Variants in PRPF8 observed in about 807,000 individuals in gnomAD.
The protein encoded by PRPF8 is pre-mRNA processing factor 8, also known as pre-mRNA-processing-splicing factor 8.
In PRPF8, 64 loss-of-function variants were observed where a neutral mutation model predicts 285.9. That is an observed-to-expected ratio of 0.22 (90% CI 0.18 to 0.28). The LOEUF is 0.28. PRPF8 is among the 10% of genes least tolerant of loss of function. The probability of loss-of-function intolerance (pLI) is 1.00; values close to 1 mark genes in which losing one functional copy is unlikely to be tolerated. For synonymous variants in PRPF8, 1,325 were observed against 1,118.2 expected (o/e 1.18, Z -3.69); for missense variants, 1,426 against 3,026.7 (o/e 0.47, Z 12.41).
In PRPF8 at chr17:1,675,879, C is replaced by T. The variant is rs1332469183; in HGVS notation, c.2679+49G>A. On this transcript the variant is annotated intron_variant, in intron 18 of 42. Transcript: ENST00000304992. The surrounding 1 kb of genome is among the most constrained non-coding windows in gnomAD (Gnocchi z 6.0). ...CTACCTTTGGTAGAACCAAAGGCAA[C>T]TGCTACCTTTGGTAGAACCAAAAAG... 1.2e-6 allele frequency: 2 copies of T among 1,608,694 alleles called. No individual in the cohort carries two copies. The highest frequency in any genetic ancestry group is 2.7e-5 in the African/African-American group (2 of 74,812).
chr17:1,674,650 T>C lies in PRPF8; in HGVS notation c.3091A>G (p.Ile1031Val). Residue 1031 changes from isoleucine to valine, a missense_variant, in exon 21 of 43, where the codon ATC (isoleucine) becomes GTC (valine). Ile to Val is a conservative substitution (Grantham distance 29, BLOSUM62 3). This residue lies in a region of PRPF8 where 32 missense variants were observed against 89.2 expected (regional missense o/e 0.36). Coordinates refer to ENST00000304992, the MANE Select transcript of PRPF8 (RefSeq NM_006445.4). Reference sequence around the variant, plus strand: ...AATGAGGCAAACTGCAGGCCTCTGATGATCCCATATGAATTCGTATGGTTC... The same window carrying C: ...AATGAGGCAAACTGCAGGCCTCTGACGATCCCATATGAATTCGTATGGTTC... ...DMNHTNSYGI[I>V]RGLQFASFIV... 1 of 1,614,042 alleles carries C rather than the reference T, an allele frequency of 6.2e-7. No individual in the cohort carries two copies.
chr17:1,672,661 T>C (rs1049689154), intron 24 of PRPF8, among the ~76,000 whole-genome samples: 1 of 152,136 alleles, frequency 6.6e-6, no homozygotes, highest in Non-Finnish European at 1.5e-5. Context: ...TCAATTCCGG[T>C]TGCCTTCGGC....
In PRPF8 at chr17:1,679,110, G is replaced by A. The variant is rs1912766783; in HGVS notation, c.1506C>T (p.Asn502=). The change falls in exon 11 of 43, where the codon AAC becomes AAT. Residue 502 remains asparagine (N), a synonymous_variant. Coordinates refer to ENST00000304992, the MANE Select transcript of PRPF8 (RefSeq NM_006445.4). This position sits in a 1 kb window ranked among gnomAD's most constrained non-coding sequence, Gnocchi z 4.7. ...VGLQVCRQGY[N]MLNLLIHRKN... is the part of the protein sequence containing the mutation. ...TGCGGTGAATGAGAAGGTTGAGCATGTTGTAGCCCTGGCGGCAAACCTGGA... is the reference window on the plus strand; with the variant it reads ...TGCGGTGAATGAGAAGGTTGAGCATATTGTAGCCCTGGCGGCAAACCTGGA... 1 of 1,614,218 alleles carries A rather than the reference G, an allele frequency of 6.2e-7. No individual in the cohort carries two copies. The highest frequency in any genetic ancestry group is 8.5e-7 in the Non-Finnish European group (1 of 1,180,042).
At chr17:1,674,265 G>A (rs983120062) in intron 21 of PRPF8, among the ~76,000 whole-genome samples, 177 bp downstream of exon 21, 2 of 152,148 alleles carry the variant, frequency 1.3e-5, no homozygotes, top group Admixed American at 6.5e-5. Flanking sequence ...CTCGTGATCC[G>A]CCTGCCTCGG....
chr17:1,676,290 T>C lies in PRPF8; in HGVS notation c.2469A>G (p.Ser823=), dbSNP rs1231150232. The C allele has an allele frequency of 6.2e-7, 1 of 1,614,072 alleles. No individual in the cohort carries two copies. The highest frequency in any genetic ancestry group is 8.5e-7 in the Non-Finnish European group (1 of 1,180,002). Residue 823 remains serine, a synonymous_variant, in exon 17 of 43, where the codon TCA becomes TCG. Coordinates refer to ENST00000304992, the MANE Select transcript of PRPF8 (RefSeq NM_006445.4). The surrounding 1 kb of genome is among the most constrained non-coding windows in gnomAD (Gnocchi z 6.3). ...TVHWLESRRF[S]PIPFPPLSYK... ...AGGAGAGTGGGGGGAATGGGATGGG[T>C]GAAAACCTGCGGCTTTCCAACCAAT...
Position 1,677,601 on chromosome 17 carries a change from G to A in PRPF8, c.1948C>T (p.Arg650Ter), listed in dbSNP as rs1279378587. 1 of 1,613,936 alleles carries A rather than the reference G, an allele frequency of 6.2e-7. No homozygotes were observed. The highest frequency in any genetic ancestry group is 8.5e-7 in the Non-Finnish European group (1 of 1,180,012). Residue 650 changes from arginine to a stop codon, truncating the protein, a stop_gained, in exon 14 of 43, where the codon CGA (arginine) becomes TGA (stop). Transcript: ENST00000304992. LOFTEE classifies it high-confidence loss of function. ...CGGGCCAGGAGGTTGCCAAGCCATC[G>A]CTCTAATAAAGGGGTAATGCCACGC... Reference protein sequence around the residue: ...FMRGITPLLERWLGNLLARQF... With the variant: ...FMRGITPLLE
Position 1,653,281 on chromosome 17 carries a change from T to C in PRPF8, c.6369+261A>G. 1 of 592,158 alleles carries C rather than the reference T, an allele frequency of 1.7e-6. No individual in the cohort carries two copies. Among genetic ancestry groups the C allele is most frequent in the Non-Finnish European group, 3.0e-6 (1 of 329,776 alleles). The allele number at this position is 592,158 out of a possible 1,614,324, so 36.7% of individuals were successfully genotyped here. On this transcript the variant is annotated intron_variant, in intron 39 of 42. Transcript: ENST00000304992. This position sits in a 1 kb window ranked among gnomAD's most constrained non-coding sequence, Gnocchi z 4.9. ...GGCATGAGCCAGCACGCACACCTGG[T>C]CAGGAATTTGTTTCTGACCATATCT...
In PRPF8 at chr17:1,661,969, T is replaced by G; in HGVS notation, c.3959A>C (p.Lys1320Thr). Residue 1320 changes from lysine (K) to threonine (T), a missense_variant, in exon 25 of 43, where the codon AAG (lysine) becomes ACG (threonine). By Grantham distance (78) the Lys-to-Thr change is moderately conservative. Coordinates refer to ENST00000304992, the MANE Select transcript of PRPF8 (RefSeq NM_006445.4). The surrounding 1 kb of genome is among the most constrained non-coding windows in gnomAD (Gnocchi z 7.3). Reference sequence around the variant, plus strand: ...GAGCATGCCGAGTCCACCCAACTCCTTAGGGGTGTAGAACACAACCGGGGG... The same window carrying G: ...GAGCATGCCGAGTCCACCCAACTCCGTAGGGGTGTAGAACACAACCGGGGG... ...RFPPVVFYTP[K>T]ELGGLGMLSM... is the part of the protein sequence containing the mutation. 1 of 1,614,122 alleles carries G rather than the reference T, an allele frequency of 6.2e-7. No homozygotes were observed. Among genetic ancestry groups the G allele is most frequent in the Non-Finnish European group, 8.5e-7 (1 of 1,180,034 alleles).
chr17:1,678,034 G>T (rs891064446), intron 13 of PRPF8, among the ~76,000 whole-genome samples: 4 of 152,138 alleles, frequency 2.6e-5, no homozygotes, highest in Non-Finnish European at 5.9e-5. Flanking sequence ...GTCCAGTGAG[G>T]CTGGGCACGG....
chr17:1,656,239 A>T (rs771965857), intron 36 of PRPF8, among the ~76,000 whole-genome samples, 153 bp downstream of exon 36: 28 of 152,106 alleles, frequency 1.8e-4, no homozygotes, highest in Non-Finnish European at 4.0e-4. Flanking sequence ...GTTGATTTTT[A>T]ACTTTAAGGT....
At chr17:1,656,831 C>G in intron 34 of PRPF8, 70 bp from the exon 35 acceptor site, 2 of 1,334,428 alleles carry the variant, frequency 1.5e-6, no homozygotes, top group East Asian at 2.4e-5. Context: ...ACAGAATATC[C>G]TAGTTTTGAA....
chr17:1,684,676 C>A, intron 1 of PRPF8, 94 bp from the exon 2 acceptor site: 5 of 1,174,878 alleles, frequency 4.3e-6, no homozygotes, highest in Non-Finnish European at 6.2e-6. Flanking sequence ...GGCCTGCAGT[C>A]CCGCCACACA....
chr17:1,670,778 C>T (rs904095769), intron 24 of PRPF8, among the ~76,000 whole-genome samples: 1 of 152,134 alleles, frequency 6.6e-6, no homozygotes, highest in Non-Finnish European at 1.5e-5. Context: ...TGAGCCCCCG[C>T]GCCTGGCCTG....
In PRPF8 at chr17:1,676,844, G is replaced by A; in HGVS notation, c.2181+132C>T. The A allele has an allele frequency of 6.8e-7, 1 of 1,462,476 alleles. No homozygotes were observed. Among genetic ancestry groups the A allele is most frequent in the Non-Finnish European group, 9.5e-7 (1 of 1,053,506 alleles). The allele number at this position is 1,462,476 out of a possible 1,614,324, so 90.6% of individuals were successfully genotyped here. Reference sequence around the variant, plus strand: ...GCTTGAGGCCAGCCTAAGCAACATGGTGCTTCTTTTCCCTGTCTAAAAGGG... The same window carrying A: ...GCTTGAGGCCAGCCTAAGCAACATGATGCTTCTTTTCCCTGTCTAAAAGGG... On this transcript the variant is annotated intron_variant, in intron 15 of 42. Transcript: ENST00000304992. The surrounding 1 kb of genome is among the most constrained non-coding windows in gnomAD (Gnocchi z 6.3).
rs118000367 is a variant in PRPF8, at chr17:1,661,917, T to C, written c.4011A>G (p.Gln1337=). Residue 1337 remains glutamine (Q), a synonymous_variant, in exon 25 of 43, where the codon CAA becomes CAG. Coordinates refer to ENST00000304992, the MANE Select transcript of PRPF8 (RefSeq NM_006445.4). This position sits in a 1 kb window ranked among gnomAD's most constrained non-coding sequence, Gnocchi z 7.3. ...GAACCAGGCTGTACCTGAGGTCGGA[T>C]TGGGGGATGAGCACATGGCCCATTG... ...MLSMGHVLIP[Q]SDLRWSKQTD... 0.022 allele frequency: 35,767 copies of C among 1,614,062 alleles called. 478 individuals carry two copies. The highest frequency in any genetic ancestry group is 0.026 in the Non-Finnish European group (30,091 of 1,180,010).
Position 1,673,157 on chromosome 17 carries a change from T to A in PRPF8, c.3698A>T (p.Asp1233Val), listed in dbSNP as rs1169353719. The change falls in exon 24 of 43, where the codon GAC (aspartate) becomes GTC (valine). Residue 1233 changes from aspartate to valine, a missense_variant. Asp to Val is a radical substitution (Grantham distance 152). Coordinates refer to ENST00000304992, the MANE Select transcript of PRPF8 (RefSeq NM_006445.4). This position sits in a 1 kb window ranked among gnomAD's most constrained non-coding sequence, Gnocchi z 5.5. ...ERTAQCFLRV[D>V]DESMQRFHNR... ...GTGGAAGCGCTGCATTGACTCATCG[T>A]CCACACGCAGGAAACACTGAGCTGT... The A allele has an allele frequency of 6.2e-7, 1 of 1,614,218 alleles. No individual in the cohort carries two copies. Among genetic ancestry groups the A allele is most frequent in the East Asian group, 2.2e-5 (1 of 44,886 alleles).
chr17:1,661,511 C>T lies in PRPF8; in HGVS notation c.4202+100G>A. 1.2e-6 allele frequency: 2 copies of T among 1,608,102 alleles called. No individual in the cohort carries two copies. The highest frequency in any genetic ancestry group is 1.7e-6 in the Non-Finnish European group (2 of 1,177,074). On this transcript the variant is annotated intron_variant, in intron 26 of 42. Coordinates refer to ENST00000304992, the MANE Select transcript of PRPF8 (RefSeq NM_006445.4). This position sits in a 1 kb window ranked among gnomAD's most constrained non-coding sequence, Gnocchi z 7.3. ...AGGGTCAGTAGAACCAGCCTTCTCA[C>T]CTCCATACAACCATGGCATGCTCTG...
chr17:1,653,693 G>A lies in PRPF8; in HGVS notation c.6228-10C>T, dbSNP rs749983132. ...GGCAGCAGAGATGGCCCTAAAAACA[G>A]GCAGGGAGTGTCAGCATCGCTCAGC... On this transcript the variant is annotated splice_polypyrimidine_tract_variant and intron_variant, in intron 38 of 42. Coordinates refer to ENST00000304992, the MANE Select transcript of PRPF8 (RefSeq NM_006445.4). This position sits in a 1 kb window ranked among gnomAD's most constrained non-coding sequence, Gnocchi z 4.9. The A allele has an allele frequency of 2.5e-6, 4 of 1,614,150 alleles. No homozygotes were observed. Among genetic ancestry groups the A allele is most frequent in the Non-Finnish European group, 3.4e-6 (4 of 1,180,024 alleles).
chr17:1,660,433 TG>T lies in PRPF8; in HGVS notation c.4783del (p.Gln1595ArgfsTer28). ...IHESIVMDLC[Q>X]VFDQELDALE... ...CCTCTCCCCTCGATTCCAGCCCACC[TG>T]ACATAAGTCCATAACAATGCTCTCA... On this transcript the variant is annotated frameshift_variant and splice_region_variant, in exon 30 of 43. Transcript: ENST00000304992. LOFTEE classifies it high-confidence loss of function. 1 of 1,614,112 alleles carries T rather than the reference TG, an allele frequency of 6.2e-7. No individual in the cohort carries two copies. The highest frequency in any genetic ancestry group is 8.5e-7 in the Non-Finnish European group (1 of 1,180,038).
Sources: allele counts gnomAD v4.1 joint callset (sites outside exome capture counted in the v4.1 genomes callset), GRCh38; gene constraint gnomAD v4.1.1; regional missense constraint gnomAD v4.1.1; non-coding constraint Gnocchi (gnomAD v3.1); transcripts MANE v1.5; gene names NCBI Gene and HGNC (gene_info 2026-07-23, HGNC 2026-07-21).